The following AUTS2 variants were observed in gnomAD, a reference collection of about 807,000 sequenced individuals.
AUTS2 encodes the protein activator of transcription and developmental regulator AUTS2.
In AUTS2, 17 loss-of-function variants were observed where a neutral mutation model predicts 112.4. That is an observed-to-expected ratio of 0.15 (90% CI 0.10 to 0.23). The LOEUF is 0.23. AUTS2 is among the 10% of genes least tolerant of loss of function. The pLI is 1.00. For missense variants in AUTS2, 1,510 were observed against 1,701.6 expected (o/e 0.89, Z 1.98); for synonymous variants, 751 against 702.7 (o/e 1.07, Z -1.09).
intron 1 of AUTS2, among the ~76,000 whole-genome samples, chr7:69,717,312 G>T (rs1036111571): frequency 1.3e-5 from 2 of 152,168 alleles, no homozygotes; most frequent in Admixed American, 1.3e-4. Flanking sequence ...GAGATCAGAG[G>T]TTATGGAGCA....
chr7:70,043,439 C>A (rs1465936383), intron 2 of AUTS2, among the ~76,000 whole-genome samples: 3 of 151,974 alleles, frequency 2.0e-5, no homozygotes. Context: ...ACAATGTTTT[C>A]TTTGCAAATT....
At chr7:70,537,567 A>G (rs1170567144) in intron 5 of AUTS2, among the ~76,000 whole-genome samples, 3 of 152,222 alleles carry the variant, frequency 2.0e-5, no homozygotes, top group Non-Finnish European at 4.4e-5. Flanking sequence ...TAAAGATCCT[A>G]GTGACTGATG....
intron 1 of AUTS2, among the ~76,000 whole-genome samples, chr7:69,722,920 T>C (rs983566334): frequency 1.3e-5 from 2 of 151,864 alleles, no homozygotes; most frequent in African/African-American, 4.8e-5. Context: ...GAGGAAAACA[T>C]GATCATTTCC....
intron 4 of AUTS2, among the ~76,000 whole-genome samples, chr7:70,181,907 C>T (rs1198101027): frequency 6.6e-6 from 1 of 150,952 alleles, no homozygotes; most frequent in Non-Finnish European, 1.5e-5. Flanking sequence ...ACGCCATTCT[C>T]CTGCCTCAGC....
At chr7:70,105,973 T>G (rs1250653237) in intron 2 of AUTS2, among the ~76,000 whole-genome samples, 1 of 152,250 alleles carries the variant, frequency 6.6e-6, no homozygotes, top group Non-Finnish European at 1.5e-5. Flanking sequence ...TTTTATATAG[T>G]TGAATCTTTC....
At chr7:70,306,137 A>T (rs543866618) in intron 4 of AUTS2, among the ~76,000 whole-genome samples, 4 of 152,226 alleles carry the variant, frequency 2.6e-5, no homozygotes, top group Non-Finnish European at 5.9e-5. Flanking sequence ...CAAAGAACAA[A>T]GGAAAGATTG....
intron 1 of AUTS2, among the ~76,000 whole-genome samples, chr7:69,602,018 GTGTATATATA>G (rs1484805799): frequency 1.3e-4 from 3 of 23,058 alleles, no homozygotes; most frequent in Admixed American, 1.1e-3. Context: ...ATATGTGTGT[GTGTATATATA>G]TATATATATA....
Position 70,776,944 on chromosome 7 carries a change from C to CT in AUTS2, c.1933-158dup, listed in dbSNP as rs1012450250. ...GCTGTGACTCCCTTATGACTGGGCGCTGGAGAGCTACTGATGGAAGGCACT... is the reference window on the plus strand; with the variant it reads ...GCTGTGACTCCCTTATGACTGGGCGCTTGGAGAGCTACTGATGGAAGGCACT... On this transcript the variant is annotated intron_variant, in intron 13 of 18. Coordinates refer to ENST00000342771, the MANE Select transcript of AUTS2 (RefSeq NM_015570.4). 1.1e-5 allele frequency: 8 copies of CT among 697,582 alleles called. No homozygotes were observed. In the African/African-American group the frequency reaches 1.4e-4, roughly 13 times the overall value. 43.2% of individuals were successfully genotyped at this position (697,582 alleles called of 1,614,324 possible).
intron 4 of AUTS2, among the ~76,000 whole-genome samples, chr7:70,231,257 A>G (rs1019689153): frequency 6.6e-6 from 1 of 152,178 alleles, no homozygotes. Context: ...TACACTCTTG[A>G]GTATACAGCT....
intron 5 of AUTS2, among the ~76,000 whole-genome samples, chr7:70,663,653 C>T (rs1016393289): frequency 3.3e-5 from 5 of 151,934 alleles, no homozygotes; most frequent in Non-Finnish European, 5.9e-5. Flanking sequence ...CACTTAGCAC[C>T]TCTGCCATTG....
intron 3 of AUTS2, among the ~76,000 whole-genome samples, chr7:70,126,934 C>A (rs1048703427): frequency 1.8e-4 from 28 of 152,106 alleles, no homozygotes; most frequent in African/African-American, 6.3e-4. Context: ...TCAAGCAATT[C>A]TCCTGCCTCA....
chr7:70,586,303 TA>T (rs1802687371), intron 5 of AUTS2, among the ~76,000 whole-genome samples: 1 of 152,186 alleles, frequency 6.6e-6, no homozygotes, highest in Non-Finnish European at 1.5e-5. Context: ...ATATCTGAAA[TA>T]TATATTTCTC....
Position 70,444,373 on chromosome 7 carries a change from T to TGA in AUTS2, c.690+8611_690+8612dup, listed in dbSNP as rs1554402014. 6.0e-3 allele frequency among the ~76,000 whole-genome samples: 858 copies of TGA among 142,486 alleles called. 9 individuals are homozygous for TGA. The highest frequency in any genetic ancestry group is 0.018 in the African/African-American group (685 of 37,212). The allele number at this position is 142,486 out of a possible 152,430, so 93.5% of individuals were successfully genotyped here. A position where few individuals can be genotyped will look rare whatever the true frequency, so the allele number is the denominator to read the frequency against. On this transcript the variant is annotated intron_variant, in intron 5 of 18. Coordinates refer to ENST00000342771, the MANE Select transcript of AUTS2 (RefSeq NM_015570.4). Reference sequence around the variant, plus strand: ...GTGTGTGTGTGTGTGTGTGTGTGTGTGAGAGAGAGAGAGAGAGAGAAAGAG... The same window carrying TGA: ...GTGTGTGTGTGTGTGTGTGTGTGTGTGAGAGAGAGAGAGAGAGAGAGAAAGAG...
intron 2 of AUTS2, among the ~76,000 whole-genome samples, chr7:70,048,749 A>G (rs1245078472): frequency 2.6e-5 from 4 of 152,318 alleles, no homozygotes; most frequent in South Asian, 2.1e-4. Flanking sequence ...GTCCTTGTCA[A>G]AACTGTTTTT....
chr7:70,173,541 G>A (rs184119933), intron 4 of AUTS2, among the ~76,000 whole-genome samples: 14 of 152,106 alleles, frequency 9.2e-5, no homozygotes, highest in South Asian at 6.2e-4. Flanking sequence ...TCATTCATTC[G>A]TACTTCCAAT....
chr7:69,937,522 TAA>T (rs1796462368), intron 2 of AUTS2, among the ~76,000 whole-genome samples: 1 of 152,124 alleles, frequency 6.6e-6, no homozygotes, highest in Non-Finnish European at 1.5e-5. Context: ...ATAGTTTACC[TAA>T]TTGCAGACCT....
At chr7:70,629,044 G>A (rs763957951) in intron 5 of AUTS2, among the ~76,000 whole-genome samples, 1 of 152,104 alleles carries the variant, frequency 6.6e-6, no homozygotes, top group Non-Finnish European at 1.5e-5. Context: ...TATCCATCGC[G>A]GGGCAGTCGG....
intron 4 of AUTS2, among the ~76,000 whole-genome samples, chr7:70,221,081 A>T (rs1811459100): frequency 6.6e-6 from 1 of 152,068 alleles, no homozygotes; most frequent in African/African-American, 2.4e-5. Context: ...AATTGTAAAT[A>T]ATGTTTTGTA....
intron 4 of AUTS2, among the ~76,000 whole-genome samples, chr7:70,165,822 G>A (rs529805206): frequency 1.3e-4 from 20 of 152,240 alleles, no homozygotes; most frequent in African/African-American, 4.8e-4. Flanking sequence ...AGTATGGGTT[G>A]ACAATGAGCC....
Sources: allele counts gnomAD v4.1 joint callset (sites outside exome capture counted in the v4.1 genomes callset), GRCh38; gene constraint gnomAD v4.1.1; transcripts MANE v1.5; gene names NCBI Gene and HGNC (gene_info 2026-07-23, HGNC 2026-07-21).